The following SEC61A2 variants were observed in gnomAD, a reference collection of about 807,000 sequenced individuals.
SEC61A2 encodes the protein protein transport protein Sec61 subunit alpha isoform 2.
SEC61A2 carries 28 observed loss-of-function variants against 59.9 expected under a neutral mutation model. The ratio of observed to expected loss-of-function variants is 0.47; its 90% CI spans 0.35 to 0.64. The LOEUF is 0.64. Among genes scored for constraint, SEC61A2 ranks in the 30% least tolerant of loss-of-function variants. The pLI is 0.01. For missense variants in SEC61A2, 340 were observed against 585.9 expected (o/e 0.58, Z 4.33); for synonymous variants, 202 against 214.4 (o/e 0.94, Z 0.50).
rs1834551485 is a variant in SEC61A2, at chr10:12,162,377, C to A, written c.1244+88C>A. 2 of 1,154,102 alleles carry A rather than the reference C, an allele frequency of 1.7e-6. No homozygotes were observed. Among genetic ancestry groups the A allele is most frequent in the South Asian group, 1.2e-5 (1 of 81,470 alleles). The allele number at this position is 1,154,102 out of a possible 1,614,324, so 71.5% of individuals were successfully genotyped here. A position where few individuals can be genotyped will look rare whatever the true frequency, so the allele number is the denominator to read the frequency against. On this transcript the variant is annotated intron_variant, in intron 11 of 11. Transcript: ENST00000298428. This position sits in a 1 kb window ranked among gnomAD's most constrained non-coding sequence, Gnocchi z 6.1. ...CTAAATGTTTTTCTTTGTTCAAGTT[C>A]ATATTTAAAACCCTTCTATTCACAC...
chr10:12,162,586 G>C lies in SEC61A2; in HGVS notation c.1244+297G>C, dbSNP rs1564417563. The C allele has an allele frequency of 2.0e-6, 1 of 488,932 alleles. No homozygotes were observed. Among genetic ancestry groups the C allele is most frequent in the Admixed American group, 3.1e-5 (1 of 31,950 alleles). The allele number at this position is 488,932 out of a possible 1,614,324, so 30.3% of individuals were successfully genotyped here. A position where few individuals can be genotyped will look rare whatever the true frequency, so the allele number is the denominator to read the frequency against. Reference sequence around the variant, plus strand: ...AGAGCTTTTAAAAAGGATTTCCCAGGAACTGTGGCTTATTTGGTCTGGGGT... The same window carrying C: ...AGAGCTTTTAAAAAGGATTTCCCAGCAACTGTGGCTTATTTGGTCTGGGGT... On this transcript the variant is annotated intron_variant, in intron 11 of 11. Transcript: ENST00000298428. This position sits in a 1 kb window ranked among gnomAD's most constrained non-coding sequence, Gnocchi z 6.1.
intron 1 of SEC61A2, among the ~76,000 whole-genome samples, chr10:12,132,600 C>T (rs1008007468): frequency 3.7e-5 from 5 of 135,152 alleles, no homozygotes; most frequent in African/African-American, 1.1e-4. Flanking sequence ...GGCAACACAG[C>T]GAGACTCTGT....
intron 3 of SEC61A2, among the ~76,000 whole-genome samples, chr10:12,136,609 C>G (rs921218486): frequency 4.4e-4 from 67 of 152,170 alleles, no homozygotes; most frequent in African/African-American, 1.5e-3. Context: ...TACCACCATG[C>G]CCAGCTAATT....
intron 6 of SEC61A2, among the ~76,000 whole-genome samples, chr10:12,151,021 C>T (rs56324436): frequency 0.012 from 1,856 of 148,800 alleles, 49 homozygotes; most frequent in African/African-American, 0.046. Flanking sequence ...GTGATTCGCC[C>T]GCCTCGGCCT....
intron 2 of SEC61A2, 59 bp downstream of exon 2, chr10:12,133,367 GC>G: frequency 1.2e-6 from 1 of 854,438 alleles, no homozygotes; most frequent in Non-Finnish European, 1.9e-6. Flanking sequence ...TATGAAACCA[GC>G]AAAATTCATT....
In SEC61A2 at chr10:12,141,464, T is replaced by C. The variant is rs193006548; in HGVS notation, c.142-1653T>C. Among the ~76,000 whole-genome samples the C allele has an allele frequency of 3.3e-5, 5 of 152,368 alleles. No individual in the cohort carries two copies. The East Asian group carries it at 9.6e-4, about 29-fold the overall frequency. The stretch of plus-strand genomic sequence containing the variant: ...GGGGTTAAGGCCAAGTGCTGTATCC[T>C]AAATATGGGTTATATAATAGGAAGC... On this transcript the variant is annotated intron_variant, in intron 3 of 11. Coordinates refer to ENST00000298428, the MANE Select transcript of SEC61A2 (RefSeq NM_018144.4).
chr10:12,158,014 C>T lies in SEC61A2; in HGVS notation c.884C>T (p.Ser295Leu), dbSNP rs752255724. ...YTSNIPIILQ[S>L]ALVSNLYVIS... ...TCCAACATCCCCATCATCCTCCAGTCGGCCCTGGTGTCCAACCTGTATGTT... is the reference window on the plus strand; with the variant it reads ...TCCAACATCCCCATCATCCTCCAGTTGGCCCTGGTGTCCAACCTGTATGTT... The change falls in exon 9 of 12, where the codon TCG (serine) becomes TTG (leucine). Residue 295 changes from serine (S) to leucine (L), a missense_variant. Ser to Leu is a moderately radical substitution (Grantham distance 145, BLOSUM62 -2). Transcript: ENST00000298428. The surrounding 1 kb of genome is among the most constrained non-coding windows in gnomAD (Gnocchi z 5.7). The T allele has an allele frequency of 6.2e-7, 1 of 1,614,064 alleles. No individual in the cohort carries two copies. Among genetic ancestry groups the T allele is most frequent in the South Asian group, 1.1e-5 (1 of 91,084 alleles).
At chr10:12,129,648 G>A (rs1350867340), upstream of SEC61A2, 2 of 769,918 alleles carry the variant, frequency 2.6e-6, no homozygotes. This position sits in a 1 kb window ranked among gnomAD's most constrained non-coding sequence, Gnocchi z 5.6. Flanking sequence ...GCGAAGGGCG[G>A]AGTCTGCGCG....
intron 1 of SEC61A2, among the ~76,000 whole-genome samples, chr10:12,132,296 G>C (rs1340222018): frequency 6.6e-6 from 1 of 150,666 alleles, no homozygotes; most frequent in Non-Finnish European, 1.5e-5. Flanking sequence ...GGGAGAATCC[G>C]TCTCAAAAAA....
intron 3 of SEC61A2, 133 bp downstream of exon 3, chr10:12,136,303 AT>A (rs1833882490): frequency 2.1e-6 from 1 of 481,560 alleles, no homozygotes; most frequent in Non-Finnish European, 3.6e-6. Flanking sequence ...TATCCTTTTT[AT>A]TTTTTATTAT....
chr10:12,148,339 G>A (rs867946605), intron 4 of SEC61A2, among the ~76,000 whole-genome samples: 6 of 150,396 alleles, frequency 4.0e-5, no homozygotes, highest in Middle Eastern at 6.9e-3. Flanking sequence ...TCCACCTCCC[G>A]GGTTCAAGCA....
intron 1 of SEC61A2, among the ~76,000 whole-genome samples, chr10:12,131,482 A>T (rs1259875664): frequency 1.3e-5 from 2 of 152,136 alleles, no homozygotes; most frequent in Non-Finnish European, 2.9e-5. Context: ...GCCAGAAGAC[A>T]GTGTCTATCC....
chr10:12,161,672 C>T lies in SEC61A2; in HGVS notation c.1168-541C>T, dbSNP rs751528958. 4.6e-5 allele frequency among the ~76,000 whole-genome samples: 7 copies of T among 151,596 alleles called. No homozygotes were observed. Among genetic ancestry groups the T allele is most frequent in the African/African-American group, 7.3e-5 (3 of 41,230 alleles). ...AGGAGAATCGCTTGAACCTGGGAGT[C>T]GGAGGTTGCAGTGAGCTGAGATCGT... On this transcript the variant is annotated intron_variant, in intron 10 of 11. Coordinates refer to ENST00000298428, the MANE Select transcript of SEC61A2 (RefSeq NM_018144.4). The surrounding 1 kb of genome is among the most constrained non-coding windows in gnomAD (Gnocchi z 5.4).
At position 12,160,783 on chromosome 10, in the gene SEC61A2, A is replaced by G. The variant is rs1171994002; in HGVS notation, c.976-147A>G. 5.0e-6 allele frequency: 3 copies of G among 603,874 alleles called. No individual in the cohort carries two copies. Among genetic ancestry groups the G allele is most frequent in the African/African-American group, 1.9e-5 (1 of 53,656 alleles). 37.4% of individuals were successfully genotyped at this position (603,874 alleles called of 1,614,324 possible). On this transcript the variant is annotated intron_variant, in intron 9 of 11. Transcript: ENST00000298428. This position sits in a 1 kb window ranked among gnomAD's most constrained non-coding sequence, Gnocchi z 4.1. ...TGAAGGAGTGAAGGTAGTAGACACA[A>G]AAGTACATTCTGAAACTACATAGAA...
In SEC61A2 at chr10:12,162,314, T is replaced by C. The variant is rs1834550314; in HGVS notation, c.1244+25T>C. 1.3e-6 allele frequency: 2 copies of C among 1,559,328 alleles called. No homozygotes were observed. The highest frequency in any genetic ancestry group is 1.4e-5 in the African/African-American group (1 of 74,052). ...GGTAAGGCTGCTAGACTGACACCTT[T>C]ATAGGCCTGTGTTTGTGTTTCAGTC... On this transcript the variant is annotated intron_variant, in intron 11 of 11. Transcript: ENST00000298428. This position sits in a 1 kb window ranked among gnomAD's most constrained non-coding sequence, Gnocchi z 6.1.
chr10:12,136,190 A>G lies in SEC61A2; in HGVS notation c.141+20A>G. The stretch of plus-strand genomic sequence containing the variant: ...TGTCAGGTATGTAACTATACTATTA[A>G]ATAAATGTCTGCACCATTGTTCTAA... On this transcript the variant is annotated intron_variant, in intron 3 of 11. Transcript: ENST00000298428. The G allele has an allele frequency of 7.0e-7, 1 of 1,425,866 alleles. No homozygotes were observed. Among genetic ancestry groups the G allele is most frequent in the East Asian group, 2.3e-5 (1 of 44,024 alleles). 88.3% of individuals were successfully genotyped at this position (1,425,866 alleles called of 1,614,324 possible).
chr10:12,163,637 C>G (rs2399785), intron 11 of SEC61A2, among the ~76,000 whole-genome samples: 1 of 151,952 alleles, frequency 6.6e-6, no homozygotes, highest in Admixed American at 6.6e-5. Flanking sequence ...CAGATTCCTT[C>G]TTTTGCTTGG....
At chr10:12,139,507 G>A (rs1270491740) in intron 3 of SEC61A2, among the ~76,000 whole-genome samples, 2 of 151,732 alleles carry the variant, frequency 1.3e-5, no homozygotes, top group African/African-American at 4.8e-5. Flanking sequence ...AAATTGAGCT[G>A]GGCGCGGTAG....
intron 4 of SEC61A2, among the ~76,000 whole-genome samples, chr10:12,144,646 C>T (rs575742614): frequency 2.0e-5 from 3 of 152,156 alleles, no homozygotes; most frequent in South Asian, 4.1e-4. Context: ...TCTTTGAAGA[C>T]AGCTGCAGGA....
Sources: gnomAD v4.1 joint callset for allele counts (sites outside exome capture counted in the v4.1 genomes callset) on GRCh38, gnomAD v4.1.1 for gene constraint, Gnocchi (gnomAD v3.1) non-coding constraint, MANE v1.5 for transcripts, NCBI Gene and HGNC (gene_info 2026-07-23, HGNC 2026-07-21) for gene names.